The following OSMR variants were observed in gnomAD, a reference collection of about 807,000 sequenced individuals.
The protein encoded by OSMR is oncostatin M receptor, also known as oncostatin-M-specific receptor subunit beta.
OSMR carries 81 observed loss-of-function variants against 99.9 expected under a neutral mutation model. The observed-to-expected ratio is 0.81, with a 90% CI of 0.68 to 0.97. The LOEUF (loss-of-function observed/expected upper bound fraction) is 0.97. OSMR is among the 50% of genes least tolerant of loss of function. The pLI, the probability that OSMR is intolerant of heterozygous loss-of-function variation, is 0.00. For missense variants in OSMR, 1,099 were observed against 1,153.4 expected, an observed-to-expected ratio of 0.95 and a Z score of 0.68; for synonymous variants, 406 against 410.4, an observed-to-expected ratio of 0.99 and a Z score of 0.13.
chr5:38,891,588 G>A (rs1744161434), intron 7 of OSMR, among the ~76,000 whole-genome samples: 1 of 152,122 alleles, frequency 6.6e-6, no homozygotes, highest in African/African-American at 2.4e-5. Flanking sequence ...GAGTTTTGGG[G>A]GAATCCACAC....
At chr5:38,945,513 CAGTT>C (rs1390116297), downstream of OSMR, 4 of 1,613,086 alleles carry the variant, frequency 2.5e-6, no homozygotes, top group Non-Finnish European at 3.4e-6. Flanking sequence ...ATATTGCACT[CAGTT>C]GGTTGCTGGG....
rs199598030 is a variant in OSMR at position 38,878,713 on chromosome 5, C to A, written c.246+2340C>A. Among the ~76,000 whole-genome samples, 3,421 of 152,106 alleles carry A rather than the reference C, an allele frequency of 0.022. 342 individuals are homozygous for A. The East Asian group carries it at 0.37, about 16-fold the overall frequency. On this transcript the variant is annotated intron_variant, in intron 3 of 17. Transcript: ENST00000274276. The stretch of plus-strand genomic sequence containing the variant: ...TCTGCAAGGATCAAATTAAACCTGC[C>A]ACTTCAATAAATGAAATGACCCAAA...
intron 3 of OSMR, among the ~76,000 whole-genome samples, chr5:38,878,983 A>G (rs1743051592): frequency 6.6e-6 from 1 of 152,218 alleles, no homozygotes; most frequent in Non-Finnish European, 1.5e-5. Flanking sequence ...TGGGAATGTC[A>G]GCGCTGAGCA....
chr5:38,852,168 T>C (rs979943288), intron 1 of OSMR, among the ~76,000 whole-genome samples: 5 of 152,244 alleles, frequency 3.3e-5, no homozygotes, highest in African/African-American at 1.2e-4. Context: ...TTTGTAGAAA[T>C]GCACCATAAT....
chr5:38,912,346 A>G (rs1745641920), intron 9 of OSMR, among the ~76,000 whole-genome samples: 1 of 152,332 alleles, frequency 6.6e-6, no homozygotes, highest in East Asian at 1.9e-4. Context: ...ACACAAAAAT[A>G]TCTAGTAATA....
chr5:38,890,602 CTTT>C (rs58375870), intron 7 of OSMR, among the ~76,000 whole-genome samples: 19,542 of 140,084 alleles, frequency 0.14, 2,131 homozygotes, highest in African/African-American at 0.3. Context: ...AAAGCCCCCT[CTTT>C]TTTTTTTTTT....
At chr5:38,943,130 G>T in intron 1 of OSMR, 1 of 499,190 alleles carries the variant, frequency 2.0e-6, no homozygotes, top group Non-Finnish European at 3.5e-6. Context: ...AAATATTCCT[G>T]TCACACACTT....
chr5:38,933,211 A>G lies in OSMR; in HGVS notation c.2707A>G (p.Asn903Asp), dbSNP rs374037565. The change falls in exon 18 of 18, where the codon AAC becomes GAC. Residue 903 changes from asparagine (N) to aspartate (D), a missense_variant. Asn to Asp is a conservative substitution (Grantham distance 23, BLOSUM62 1). Transcript: ENST00000274276. ...AAAGGCACTAGAAAAAAACTACATG[A>G]ACTCCCTGGGAGAAATCCCAGCTGG... ...VLKALEKNYM[N>D]SLGEIPAGET... is the part of the protein sequence containing the mutation. 4 of 1,614,174 alleles carry G rather than the reference A, an allele frequency of 2.5e-6. No homozygotes were observed. Among genetic ancestry groups the G allele is most frequent in the Non-Finnish European group, 1.7e-6 (2 of 1,180,008 alleles).
chr5:38,862,875 T>C (rs943582810), intron 1 of OSMR, among the ~76,000 whole-genome samples: 2 of 151,854 alleles, frequency 1.3e-5, no homozygotes, highest in African/African-American at 4.8e-5. Flanking sequence ...CTGGGCACCA[T>C]TGAGCACTGA....
intron 1 of OSMR, among the ~76,000 whole-genome samples, chr5:38,943,613 G>A (rs1266172812): frequency 6.6e-6 from 1 of 152,108 alleles, no homozygotes; most frequent in Non-Finnish European, 1.5e-5. Flanking sequence ...AGGAGTTTGA[G>A]ACCAACCTGG....
rs1364528587 is a variant in OSMR, at chr5:38,876,322, GGTATTTCAGATCCA to G, written c.197_210del (p.Val66AspfsTer3). ...TTCCTTATCATCAGGAATTGAAAAT[GGTATTTCAGATCCA>G]GATCAGTAGGATTGAAACATCCAAT... On this transcript the variant is annotated frameshift_variant, in exon 3 of 18. Coordinates refer to ENST00000274276, the MANE Select transcript of OSMR (RefSeq NM_003999.3). LOFTEE classifies it high-confidence loss of function. 1 of 1,612,992 alleles carries G rather than the reference GGTATTTCAGATCCA, an allele frequency of 6.2e-7. No homozygotes were observed. Among genetic ancestry groups the G allele is most frequent in the Non-Finnish European group, 8.5e-7 (1 of 1,179,332 alleles).
At chr5:38,856,057 T>A (rs1246094023) in intron 1 of OSMR, among the ~76,000 whole-genome samples, 5 of 152,108 alleles carry the variant, frequency 3.3e-5, no homozygotes, top group Non-Finnish European at 7.3e-5. Context: ...CTCCCTCACC[T>A]CTGGGCTTTT....
chr5:38,916,024 CT>C (rs776064645), intron 9 of OSMR, among the ~76,000 whole-genome samples: 12 of 152,234 alleles, frequency 7.9e-5, no homozygotes, highest in Admixed American at 2.6e-4. Flanking sequence ...CTTTTGACTA[CT>C]TCTTGTTGTA....
intron 1 of OSMR, among the ~76,000 whole-genome samples, chr5:38,850,440 T>A (rs1293258137): frequency 6.6e-6 from 1 of 152,190 alleles, no homozygotes; most frequent in Non-Finnish European, 1.5e-5. Context: ...AGAAAGAGGG[T>A]TGGTGAGATC....
At chr5:38,899,636 G>A (rs1744766829) in intron 7 of OSMR, among the ~76,000 whole-genome samples, 1 of 152,172 alleles carries the variant, frequency 6.6e-6, no homozygotes, top group South Asian at 2.1e-4. Context: ...GTCCTGCTCG[G>A]ACTGGGTCCT....
intron 9 of OSMR, among the ~76,000 whole-genome samples, chr5:38,913,998 CCA>C (rs201651294): frequency 0.024 from 3,579 of 152,274 alleles, 64 homozygotes; most frequent in Non-Finnish European, 0.037. Context: ...AGGCCATTTT[CCA>C]CAGTGCTTCA....
chr5:38,940,705 G>A (rs2112762683), intron 1 of OSMR: 1 of 232,884 alleles, frequency 4.3e-6, no homozygotes, highest in African/African-American at 2.2e-5. Context: ...TGCAGTCAAA[G>A]AGGTGTTATG....
intron 1 of OSMR, among the ~76,000 whole-genome samples, chr5:38,859,198 T>A (rs566765729): frequency 6.6e-6 from 1 of 152,346 alleles, no homozygotes; most frequent in South Asian, 2.1e-4. Flanking sequence ...CAGAAGCGTT[T>A]CTGCTATGTT....
chr5:38,943,430 G>A (rs2112791752), intron 1 of OSMR, among the ~76,000 whole-genome samples: 3 of 152,164 alleles, frequency 2.0e-5, no homozygotes. Flanking sequence ...ACCAGTTAAG[G>A]GCCCGCTCCC....
Sources: gnomAD v4.1 joint callset for allele counts (sites outside exome capture counted in the v4.1 genomes callset) on GRCh38, gnomAD v4.1.1 for gene constraint, MANE v1.5 for transcripts, NCBI Gene and HGNC (gene_info 2026-07-23, HGNC 2026-07-21) for gene names.